The following SFXN5 variants were observed in gnomAD, a reference collection of about 807,000 sequenced individuals.
SFXN5 encodes sideroflexin 5, also known as sideroflexin-5.
A neutral mutation model predicts 50.2 loss-of-function variants in SFXN5; 43 were observed. The observed-to-expected ratio is 0.86, with a 90% CI of 0.67 to 1.11. The LOEUF (loss-of-function observed/expected upper bound fraction) is 1.11. Among genes scored for constraint, SFXN5 ranks in the 50% least tolerant of loss-of-function variants. The pLI is 0.00. For missense variants in SFXN5, 463 were observed against 454.1 expected, an observed-to-expected ratio of 1.02 and a Z score of -0.18; for synonymous variants, 203 against 185.8, an observed-to-expected ratio of 1.09 and a Z score of -0.75.
At chr2:73,042,144 T>TA (rs969760605) in intron 2 of SFXN5, among the ~76,000 whole-genome samples, 54 of 152,290 alleles carry the variant, frequency 3.5e-4, no homozygotes, top group African/African-American at 1.3e-3. Flanking sequence ...TTTTTAAGTC[T>TA]AAAAGCTAAA....
intron 6 of SFXN5, among the ~76,000 whole-genome samples, chr2:73,013,457 G>A (rs1675794392): frequency 6.6e-6 from 1 of 151,124 alleles, no homozygotes; most frequent in Admixed American, 6.6e-5. Context: ...GAGAGATAGA[G>A]ATGATATCAA....
At chr2:73,052,778 G>T (rs1212395216) in intron 2 of SFXN5, among the ~76,000 whole-genome samples, 2 of 152,146 alleles carry the variant, frequency 1.3e-5, no homozygotes, top group African/African-American at 4.8e-5. Flanking sequence ...TACAGAGAAG[G>T]CCAAAGATTT....
At chr2:73,055,413 T>A (rs1681955915) in intron 2 of SFXN5, among the ~76,000 whole-genome samples, 1 of 152,222 alleles carries the variant, frequency 6.6e-6, no homozygotes, top group Non-Finnish European at 1.5e-5. Context: ...GAACTTATAA[T>A]AGCATCCACA....
At chr2:73,070,267 G>T (rs1218562087) in intron 1 of SFXN5, among the ~76,000 whole-genome samples, 1 of 152,170 alleles carries the variant, frequency 6.6e-6, no homozygotes, top group Non-Finnish European at 1.5e-5. Flanking sequence ...TCTCGCCTCG[G>T]ATACCTACAT....
Position 72,945,592 on chromosome 2 carries a change from G to A in SFXN5, c.946-493C>T, listed in dbSNP as rs146284628. Among the ~76,000 whole-genome samples, 87 of 151,820 alleles carry A rather than the reference G, an allele frequency of 5.7e-4. No individual in the cohort carries two copies. Among genetic ancestry groups the A allele is most frequent in the African/African-American group, 2.0e-3 (82 of 41,362 alleles). ...TGTTTCCAGTCCCCTAGACCTAAGC[G>A]CCCACACTCCACACTCCGACCACTC... On this transcript the variant is annotated intron_variant, in intron 13 of 13. Transcript: ENST00000272433. The surrounding 1 kb of genome is among the most constrained non-coding windows in gnomAD (Gnocchi z 5.8).
At position 72,988,356 on chromosome 2, in the gene SFXN5, A is replaced by G; in HGVS notation, c.535-8T>C. On this transcript the variant is annotated splice_region_variant and splice_polypyrimidine_tract_variant and intron_variant, in intron 9 of 13. Transcript: ENST00000272433. ...CAGGACATTAAGGCCCACCTTTGAAAGAAAAAAATAAAAACACAGAAAAAG... is the reference window on the plus strand; with the variant it reads ...CAGGACATTAAGGCCCACCTTTGAAGGAAAAAAATAAAAACACAGAAAAAG... 1 of 1,613,102 alleles carries G rather than the reference A, an allele frequency of 6.2e-7. No individual in the cohort carries two copies. Among genetic ancestry groups the G allele is most frequent in the East Asian group, 2.2e-5 (1 of 44,878 alleles).
intron 2 of SFXN5, among the ~76,000 whole-genome samples, chr2:73,057,578 G>C (rs907722624): frequency 2.8e-4 from 43 of 152,164 alleles, no homozygotes; most frequent in Non-Finnish European, 5.9e-5. Flanking sequence ...AAGACAGGGA[G>C]GAATTGATTA....
At chr2:73,061,981 G>C (rs2106050138) in intron 1 of SFXN5, among the ~76,000 whole-genome samples, 1 of 152,182 alleles carries the variant, frequency 6.6e-6, no homozygotes, top group South Asian at 2.1e-4. Context: ...GCCAGGCATG[G>C]TGGTATACAC....
chr2:72,981,055 C>T (rs1671246043), intron 10 of SFXN5: 2 of 152,172 alleles, frequency 1.3e-5, no homozygotes, highest in South Asian at 2.1e-4. Context: ...GTGCCTTGGT[C>T]GCGTGCGAGT....
At chr2:72,994,550 C>T (rs567046599) in intron 9 of SFXN5, among the ~76,000 whole-genome samples, 30 of 152,242 alleles carry the variant, frequency 2.0e-4, no homozygotes, top group African/African-American at 5.8e-4. Context: ...GAGGAATGGG[C>T]GTGAAGTGCC....
chr2:73,001,436 C>A, intron 7 of SFXN5, 89 bp downstream of exon 7: 2 of 1,383,560 alleles, frequency 1.4e-6, no homozygotes, highest in Non-Finnish European at 2.1e-6. Flanking sequence ...GGGGTCTGGA[C>A]GGGGCAGGAG....
intron 2 of SFXN5, among the ~76,000 whole-genome samples, chr2:73,045,420 G>A (rs930859384): frequency 1.4e-4 from 21 of 151,978 alleles, no homozygotes; most frequent in African/African-American, 4.4e-4. Flanking sequence ...TGAGTCCAGC[G>A]TAACACAGAA....
chr2:73,030,012 C>T (rs1327644159), intron 3 of SFXN5, among the ~76,000 whole-genome samples: 1 of 152,118 alleles, frequency 6.6e-6, no homozygotes, highest in Non-Finnish European at 1.5e-5. Context: ...GCAGAGGCTG[C>T]AGTGAGCTGA....
chr2:72,961,027 C>T lies in SFXN5; in HGVS notation c.945+104G>A, dbSNP rs1026228583. On this transcript the variant is annotated intron_variant, in intron 13 of 13. Coordinates refer to ENST00000272433, the MANE Select transcript of SFXN5 (RefSeq NM_144579.3). This position sits in a 1 kb window ranked among gnomAD's most constrained non-coding sequence, Gnocchi z 4.4. ...GCCTCATTCACGGTTCCAGCCCCAGCGCCTAGCATGGCGCTAAGGAGTCGG... is the reference window on the plus strand; with the variant it reads ...GCCTCATTCACGGTTCCAGCCCCAGTGCCTAGCATGGCGCTAAGGAGTCGG... 6 of 789,702 alleles carry T rather than the reference C, an allele frequency of 7.6e-6. No homozygotes were observed. Among genetic ancestry groups the T allele is most frequent in the East Asian group, 3.2e-5 (1 of 31,528 alleles). 48.9% of individuals were successfully genotyped at this position (789,702 alleles called of 1,614,324 possible).
At chr2:73,024,325 G>A (rs1677282905) in intron 3 of SFXN5, among the ~76,000 whole-genome samples, 1 of 152,080 alleles carries the variant, frequency 6.6e-6, no homozygotes, top group Non-Finnish European at 1.5e-5. Context: ...CCCAGCCCAG[G>A]CCTTTTCAAA....
At chr2:73,035,800 G>A (rs1440632329) in intron 3 of SFXN5, among the ~76,000 whole-genome samples, 1 of 152,034 alleles carries the variant, frequency 6.6e-6, no homozygotes, top group African/African-American at 2.4e-5. Context: ...ACGCTTGGCT[G>A]GTATAGCAAC....
intron 10 of SFXN5, among the ~76,000 whole-genome samples, chr2:72,986,374 T>G (rs976923897): frequency 2.6e-5 from 4 of 152,168 alleles, no homozygotes; most frequent in African/African-American, 9.7e-5. Flanking sequence ...GTGGCCTCAC[T>G]TGCTCCTCCC....
intron 8 of SFXN5, 42 bp from the exon 9 acceptor site, chr2:72,999,056 A>G (rs935805208): frequency 1.3e-6 from 2 of 1,597,858 alleles, no homozygotes; most frequent in Non-Finnish European, 8.6e-7. Context: ...TGGGTGCCCA[A>G]AGCTCCCATA....
rs954083847 is a variant in SFXN5 at position 73,069,539 on chromosome 2, T to A, written c.102+2065A>T. Among the ~76,000 whole-genome samples the A allele has an allele frequency of 3.3e-5, 5 of 152,096 alleles. No individual in the cohort carries two copies. In the East Asian group the frequency reaches 7.7e-4, roughly 23 times the overall value. ...AGAGAAGATCCTTAACATGGATGAA[T>A]CACATGCAACGTGCTTTATGCAGGC... On this transcript the variant is annotated intron_variant, in intron 1 of 13. Transcript: ENST00000272433.
Sources: gnomAD v4.1 joint callset for allele counts (sites outside exome capture counted in the v4.1 genomes callset) on GRCh38, gnomAD v4.1.1 for gene constraint, Gnocchi (gnomAD v3.1) non-coding constraint, MANE v1.5 for transcripts, NCBI Gene and HGNC (gene_info 2026-07-23, HGNC 2026-07-21) for gene names.